Variants in APPBP2 observed in about 807,000 individuals in gnomAD.
APPBP2 encodes the protein amyloid protein-binding protein 2.
In APPBP2, 15 loss-of-function variants were observed where a neutral mutation model predicts 76.0. The observed-to-expected ratio is 0.20, with a 90% CI of 0.13 to 0.30. APPBP2 has a LOEUF of 0.30. APPBP2 is among the 10% of genes least tolerant of loss of function. The pLI, the probability that APPBP2 is intolerant of heterozygous loss-of-function variation, is 1.00. For missense variants in APPBP2, 401 were observed against 687.2 expected, an observed-to-expected ratio of 0.58 and a Z score of 4.66; for synonymous variants, 222 against 242.2, an observed-to-expected ratio of 0.92 and a Z score of 0.77.
chr17:60,456,705 C>T (rs1054263641), intron 9 of APPBP2, among the ~76,000 whole-genome samples: 1 of 152,188 alleles, frequency 6.6e-6, no homozygotes, highest in Non-Finnish European at 1.5e-5. Flanking sequence ...TCCAGCCACA[C>T]AGGCCTAGCA....
rs778056945 is a variant in APPBP2, at chr17:60,506,655, CTA to C, written c.139-6170_139-6169del. On this transcript the variant is annotated intron_variant, in intron 1 of 12. Coordinates refer to ENST00000083182, the MANE Select transcript of APPBP2 (RefSeq NM_006380.5). The stretch of plus-strand genomic sequence containing the variant: ...ATATTATTCCATCACACTCTACATT[CTA>C]TGAGGTGACTACAGTCACCACTATA... Among the ~76,000 whole-genome samples, 5 of 152,346 alleles carry C rather than the reference CTA, an allele frequency of 3.3e-5. No individual in the cohort carries two copies. The East Asian group carries it at 9.6e-4, about 29-fold the overall frequency.
intron 1 of APPBP2, among the ~76,000 whole-genome samples, chr17:60,513,018 T>C (rs555140351): frequency 6.7e-6 from 1 of 149,898 alleles, no homozygotes; most frequent in Non-Finnish European, 1.5e-5. Context: ...CATGGTCGCA[T>C]CTTGGCGTGA....
chr17:60,510,970 T>G (rs1380538774), intron 1 of APPBP2, among the ~76,000 whole-genome samples: 1 of 152,046 alleles, frequency 6.6e-6, no homozygotes, highest in Non-Finnish European at 1.5e-5. Flanking sequence ...CCCCAATGGT[T>G]AAAAGAATGA....
chr17:60,516,358 C>T (rs1417197033), intron 1 of APPBP2, among the ~76,000 whole-genome samples: 2 of 152,132 alleles, frequency 1.3e-5, no homozygotes, highest in Non-Finnish European at 2.9e-5. Context: ...GTTGTTAGGA[C>T]ATAAATAATA....
At chr17:60,496,730 A>T (rs1461206736) in intron 2 of APPBP2, among the ~76,000 whole-genome samples, 4 of 150,586 alleles carry the variant, frequency 2.7e-5, no homozygotes, top group Non-Finnish European at 4.5e-5. Flanking sequence ...TACTTATTTT[A>T]TTTTTTTTGA....
intron 1 of APPBP2, among the ~76,000 whole-genome samples, chr17:60,508,119 C>T (rs1012728900): frequency 7.9e-5 from 12 of 151,976 alleles, no homozygotes; most frequent in Non-Finnish European, 5.9e-5. Flanking sequence ...ACTACAGGTG[C>T]GAGCCACCAA....
chr17:60,487,023 C>T (rs1290458535), intron 3 of APPBP2, among the ~76,000 whole-genome samples: 5 of 152,168 alleles, frequency 3.3e-5, no homozygotes, highest in Admixed American at 6.6e-5. Context: ...ATATTGGCCC[C>T]CACTCTCTTC....
At chr17:60,525,486 T>C (rs1381248236) in intron 1 of APPBP2, among the ~76,000 whole-genome samples, 1 of 151,932 alleles carries the variant, frequency 6.6e-6, no homozygotes, top group Non-Finnish European at 1.5e-5. Context: ...AGGAAAGGAC[T>C]AGGTGGGACA....
chr17:60,459,689 A>G (rs1165736465), intron 9 of APPBP2: 1 of 152,024 alleles, frequency 6.6e-6, no homozygotes, highest in Non-Finnish European at 1.5e-5. Flanking sequence ...ATGGCATTTC[A>G]TCGTCTTGGC....
chr17:60,446,124 G>A lies in APPBP2; in HGVS notation c.*1457C>T, dbSNP rs1295090089. ...CACAGACTACTCCAAGCATTAGCTA[G>A]GAGCAACATCTTTAACAGCCAAGTC... On this transcript the variant is annotated 3_prime_UTR_variant, in exon 13 of 13. Coordinates refer to ENST00000083182, the MANE Select transcript of APPBP2 (RefSeq NM_006380.5). 2 of 152,354 alleles carry A rather than the reference G, an allele frequency of 1.3e-5. No homozygotes were observed. The allele number at this position is 152,354 out of a possible 1,614,324, so 9.4% of individuals were successfully genotyped here.
chr17:60,484,463 C>A (rs2090656781), intron 3 of APPBP2, among the ~76,000 whole-genome samples: 1 of 152,058 alleles, frequency 6.6e-6, no homozygotes, highest in African/African-American at 2.4e-5. Flanking sequence ...AGGTTGGATT[C>A]CTAGGTATTT....
intron 3 of APPBP2, among the ~76,000 whole-genome samples, chr17:60,492,861 G>A (rs1454575758): frequency 3.9e-5 from 6 of 152,176 alleles, no homozygotes; most frequent in East Asian, 1.9e-4. Flanking sequence ...GGCATGATTG[G>A]TGTTGAAATG....
At chr17:60,505,558 G>A (rs560431082) in intron 1 of APPBP2, among the ~76,000 whole-genome samples, 1 of 151,518 alleles carries the variant, frequency 6.6e-6, no homozygotes, top group Non-Finnish European at 1.5e-5. Flanking sequence ...CTTGTGATCC[G>A]CCCACCGTGG....
At chr17:60,447,855 GA>G (rs572924329) in intron 12 of APPBP2, 21 bp from the exon 13 acceptor site, 84,462 of 918,734 alleles carry the variant, frequency 0.092, 11 homozygotes, top group South Asian at 0.15. Flanking sequence ...AAAGAAAAAG[GA>G]AAAAAAAAAA....
chr17:60,496,730 A>AT (rs1001535383), intron 2 of APPBP2, among the ~76,000 whole-genome samples: 4 of 150,586 alleles, frequency 2.7e-5, no homozygotes, highest in African/African-American at 7.3e-5. Flanking sequence ...TACTTATTTT[A>AT]TTTTTTTTGA....
chr17:60,483,737 G>C (rs1239477922), intron 3 of APPBP2, among the ~76,000 whole-genome samples: 1 of 152,138 alleles, frequency 6.6e-6, no homozygotes, highest in East Asian at 1.9e-4. Context: ...AGTTTAATTA[G>C]ATCCCATTTG....
chr17:60,470,542 A>T (rs1482862017), intron 4 of APPBP2, among the ~76,000 whole-genome samples: 1 of 152,156 alleles, frequency 6.6e-6, no homozygotes, highest in Non-Finnish European at 1.5e-5. Flanking sequence ...CTGGGATTAC[A>T]GGTGTGAGCC....
At chr17:60,486,734 C>T (rs8076543) in intron 3 of APPBP2, among the ~76,000 whole-genome samples, 30,682 of 152,124 alleles carry the variant, frequency 0.2, 10,312 homozygotes, top group African/African-American at 0.7. Context: ...GATCCTGTCA[C>T]TATGATGTTA....
At chr17:60,484,454 G>C (rs963731287) in intron 3 of APPBP2, among the ~76,000 whole-genome samples, 1 of 152,016 alleles carries the variant, frequency 6.6e-6, no homozygotes, top group Non-Finnish European at 1.5e-5. Flanking sequence ...ATCCCTTGTA[G>C]GTTGGATTCC....
Sources: gnomAD v4.1 joint callset for allele counts (sites outside exome capture counted in the v4.1 genomes callset) on GRCh38, gnomAD v4.1.1 for gene constraint, MANE v1.5 for transcripts, NCBI Gene and HGNC (gene_info 2026-07-23, HGNC 2026-07-21) for gene names.